TCF7L2: variants seen among roughly 807,000 people sequenced by gnomAD.
TCF7L2 encodes the protein transcription factor 7-like 2.
TCF7L2 carries 23 observed loss-of-function variants against 77.9 expected under a neutral mutation model. That is an observed-to-expected ratio of 0.30 (90% CI 0.21 to 0.42). The LOEUF is 0.42. TCF7L2 is among the 10% of genes least tolerant of loss of function. The pLI, the probability that TCF7L2 is intolerant of heterozygous loss-of-function variation, is 1.00. For synonymous variants in TCF7L2, 413 were observed against 340.2 expected (o/e 1.21, Z -2.36); for missense variants, 654 against 793.1 (o/e 0.82, Z 2.11).
intron 5 of TCF7L2, chr10:113,130,078 TCC>T (rs34096467): frequency 1.2e-6 from 1 of 855,984 alleles, no homozygotes; most frequent in Non-Finnish European, 1.4e-6. Flanking sequence ...CTATGCTTTT[TCC>T]CCCCCCTTAA....
intron 5 of TCF7L2, among the ~76,000 whole-genome samples, chr10:113,110,484 A>G (rs1333660808): frequency 6.7e-6 from 1 of 150,244 alleles, no homozygotes; most frequent in Non-Finnish European, 1.5e-5. Flanking sequence ...AATTGGTTCT[A>G]TATATTTATA....
At chr10:112,966,004 T>C (rs981679439) in intron 4 of TCF7L2, among the ~76,000 whole-genome samples, 9 of 151,088 alleles carry the variant, frequency 6.0e-5, no homozygotes, top group Non-Finnish European at 1.3e-4. Flanking sequence ...TGAAACCCCA[T>C]CTCTACTAAA....
In TCF7L2 at chr10:113,166,670, G is replaced by T. The variant is rs999696614; in HGVS notation, c.*698G>T. On this transcript the variant is annotated 3_prime_UTR_variant, in exon 14 of 14. Transcript: ENST00000627217. The stretch of plus-strand genomic sequence containing the variant: ...AGATTGCTTGTCGTACCTGTATGTC[G>T]TCCCTTTTTAAATATGTTTTCCTTT... The T allele has an allele frequency of 4.3e-6, 1 of 230,346 alleles. No individual in the cohort carries two copies. The highest frequency in any genetic ancestry group is 2.2e-5 in the African/African-American group (1 of 45,100). The allele number at this position is 230,346 out of a possible 1,614,324, so 14.3% of individuals were successfully genotyped here. A position where few individuals can be genotyped will look rare whatever the true frequency, so the allele number is the denominator to read the frequency against.
intron 4 of TCF7L2, among the ~76,000 whole-genome samples, chr10:113,033,091 G>GT (rs200225336): frequency 6.6e-5 from 10 of 151,688 alleles, no homozygotes; most frequent in Non-Finnish European, 1.3e-4. Flanking sequence ...GACTATGTTG[G>GT]TTTTTTTTCC....
At chr10:113,030,671 T>C (rs1020078152) in intron 4 of TCF7L2, among the ~76,000 whole-genome samples, 9 of 152,218 alleles carry the variant, frequency 5.9e-5, no homozygotes, top group African/African-American at 1.9e-4. Context: ...GTCATCAGCT[T>C]AGCGGCCAAG....
At chr10:113,015,229 C>A (rs946366440) in intron 4 of TCF7L2, among the ~76,000 whole-genome samples, 1 of 152,216 alleles carries the variant, frequency 6.6e-6, no homozygotes. Flanking sequence ...CAGGCCACAT[C>A]AATCCCATTC....
At chr10:113,073,359 A>C (rs2058299448) in intron 5 of TCF7L2, among the ~76,000 whole-genome samples, 1 of 151,354 alleles carries the variant, frequency 6.6e-6, no homozygotes, top group Non-Finnish European at 1.5e-5. Context: ...TGAAAGCCTA[A>C]ATTTTCATGA....
At chr10:112,970,253 A>G (rs2134850077) in intron 4 of TCF7L2, among the ~76,000 whole-genome samples, 1 of 152,058 alleles carries the variant, frequency 6.6e-6, no homozygotes, top group African/African-American at 2.4e-5. Flanking sequence ...GGACCATTTT[A>G]TTTGTTTACA....
intron 5 of TCF7L2, among the ~76,000 whole-genome samples, chr10:113,096,209 C>T (rs190625494): frequency 5.3e-5 from 8 of 151,564 alleles, no homozygotes; most frequent in Non-Finnish European, 1.0e-4. Flanking sequence ...GCCTATCAGT[C>T]AGCGTCTCTG....
chr10:113,062,831 G>A (rs2056686178), intron 5 of TCF7L2, among the ~76,000 whole-genome samples: 1 of 152,074 alleles, frequency 6.6e-6, no homozygotes, highest in Admixed American at 6.6e-5. Context: ...TAAATGACTG[G>A]GGGTTTCATT....
intron 8 of TCF7L2, among the ~76,000 whole-genome samples, chr10:113,146,643 G>T (rs1347564208): frequency 2.0e-5 from 3 of 149,898 alleles, no homozygotes; most frequent in African/African-American, 7.4e-5. Flanking sequence ...TTAAAAAAAA[G>T]ATAAAGTTAT....
At chr10:112,980,628 T>G (rs1186768514) in intron 4 of TCF7L2, among the ~76,000 whole-genome samples, 1 of 137,602 alleles carries the variant, frequency 7.3e-6, no homozygotes, top group Non-Finnish European at 1.6e-5. Flanking sequence ...CATTTGTTTC[T>G]TTTTTTTTTT....
At chr10:112,992,227 G>A (rs58064715) in intron 4 of TCF7L2, among the ~76,000 whole-genome samples, 13,161 of 152,218 alleles carry the variant, frequency 0.086, 614 homozygotes, top group African/African-American at 0.12. Flanking sequence ...CCCTTGCCAA[G>A]CGCAGAGAAA....
At chr10:112,951,418 G>GT in intron 2 of TCF7L2, 65 bp from the exon 3 acceptor site, 1 of 1,306,788 alleles carries the variant, frequency 7.7e-7, no homozygotes, top group South Asian at 1.3e-5. Flanking sequence ...TTTCTAAAAA[G>GT]TTTCTCCTCA....
intron 8 of TCF7L2, among the ~76,000 whole-genome samples, chr10:113,148,755 C>T (rs529245212): frequency 2.6e-5 from 4 of 152,236 alleles, no homozygotes; most frequent in Admixed American, 6.5e-5. Flanking sequence ...ATTTCTTAAG[C>T]GAAGGTATGT....
At chr10:112,965,629 ATGTGTGTG>A (rs59587175) in intron 4 of TCF7L2, among the ~76,000 whole-genome samples, 7,042 of 137,114 alleles carry the variant, frequency 0.051, 181 homozygotes, top group African/African-American at 0.068. Context: ...GTGTGTGTAT[ATGTGTGTG>A]TGTGTGTGTG....
In TCF7L2 at chr10:113,166,230, G is replaced by C. The variant is rs2074033612; in HGVS notation, c.*258G>C. On this transcript the variant is annotated 3_prime_UTR_variant, in exon 14 of 14. Coordinates refer to ENST00000627217, the MANE Select transcript of TCF7L2 (RefSeq NM_001146274.2). ...TTATCAACAGCTGTTTAAAGTCTTTGTAGCGTTTAAAAAATATATATATAT... is the reference window on the plus strand; with the variant it reads ...TTATCAACAGCTGTTTAAAGTCTTTCTAGCGTTTAAAAAATATATATATAT... 2.9e-6 allele frequency: 1 copy of C among 340,366 alleles called. No individual in the cohort carries two copies. Among genetic ancestry groups the C allele is most frequent in the Admixed American group, 4.7e-5 (1 of 21,424 alleles). The allele number at this position is 340,366 out of a possible 1,614,324, so 21.1% of individuals were successfully genotyped here. A position where few individuals can be genotyped will look rare whatever the true frequency, so the allele number is the denominator to read the frequency against.
chr10:113,023,917 C>T (rs2048665892), intron 4 of TCF7L2, among the ~76,000 whole-genome samples: 1 of 151,920 alleles, frequency 6.6e-6, no homozygotes, highest in Non-Finnish European at 1.5e-5. Flanking sequence ...CTCGGCCTCC[C>T]AAAGTGCTGG....
Position 112,964,546 on chromosome 10 carries a change from C to A in TCF7L2, c.382-10C>A, listed in dbSNP as rs1227950385. 1.2e-6 allele frequency: 2 copies of A among 1,612,924 alleles called. No individual in the cohort carries two copies. Among genetic ancestry groups the A allele is most frequent in the Non-Finnish European group, 1.7e-6 (2 of 1,179,152 alleles). ...TAAGCAGAACGCTTTGATTTGGTTT[C>A]TTTCTACAGCTCCATTTTCAGTCCG... On this transcript the variant is annotated splice_polypyrimidine_tract_variant and intron_variant, in intron 3 of 13. Coordinates refer to ENST00000627217, the MANE Select transcript of TCF7L2 (RefSeq NM_001146274.2).
Sources: allele counts gnomAD v4.1 joint callset (sites outside exome capture counted in the v4.1 genomes callset), GRCh38; gene constraint gnomAD v4.1.1; transcripts MANE v1.5; gene names NCBI Gene and HGNC (gene_info 2026-07-23, HGNC 2026-07-21).